DYNC2H1: variants seen among roughly 807,000 people sequenced by gnomAD.
The protein encoded by DYNC2H1 is dynein cytoplasmic 2 heavy chain 1.
Under a neutral mutation model 570.0 loss-of-function variants are expected in DYNC2H1, and 410 were observed. The observed-to-expected ratio is 0.72, with a 90% CI of 0.66 to 0.78. DYNC2H1 has a LOEUF of 0.78. Among genes scored for constraint, DYNC2H1 ranks in the 30% least tolerant of loss-of-function variants. DYNC2H1 has a pLI of 0.00. For synonymous variants in DYNC2H1, 1,688 were observed against 1,677.6 expected, an observed-to-expected ratio of 1.01 and a Z score of -0.15; for missense variants, 4,865 against 5,046.4, an observed-to-expected ratio of 0.96 and a Z score of 1.09.
At chr11:103,134,485 T>C (rs968462566) in intron 15 of DYNC2H1, 66 bp downstream of exon 15, 27 of 1,284,814 alleles carry the variant, frequency 2.1e-5, no homozygotes, top group Non-Finnish European at 2.8e-5. Context: ...AAGTACAATA[T>C]ATGAATTGCC....
At chr11:103,118,780 T>C (rs914513215) in intron 6 of DYNC2H1, among the ~76,000 whole-genome samples, 1 of 152,226 alleles carries the variant, frequency 6.6e-6, no homozygotes, top group Admixed American at 6.5e-5. Flanking sequence ...GTTTCCCCTT[T>C]TTTTATGCCA....
intron 83 of DYNC2H1, among the ~76,000 whole-genome samples, chr11:103,398,212 C>T (rs1942475616): frequency 6.6e-6 from 1 of 152,060 alleles, no homozygotes; most frequent in Non-Finnish European, 1.5e-5. Flanking sequence ...AATTTTATTA[C>T]TTAGTTGATT....
intron 82 of DYNC2H1, among the ~76,000 whole-genome samples, chr11:103,339,915 T>C (rs1939358548): frequency 6.6e-6 from 1 of 152,180 alleles, no homozygotes; most frequent in African/African-American, 2.4e-5. Context: ...CAGAATTCTG[T>C]CCAGTGTTGT....
Position 103,400,017 on chromosome 11 carries a change from T to C in DYNC2H1, c.12366+145T>C. ...AGCCATATAAAAATTAATTGACTGA[T>C]GTAACTGAAGAATCCAATGGTATCT... On this transcript the variant is annotated intron_variant, in intron 84 of 88. Coordinates refer to ENST00000375735, the MANE Select transcript of DYNC2H1 (RefSeq NM_001377.3). 3 of 667,872 alleles carry C rather than the reference T, an allele frequency of 4.5e-6. 1 individual carries two copies. The South Asian group carries it at 6.8e-5, about 15-fold the overall frequency. The allele number at this position is 667,872 out of a possible 1,614,324, so 41.4% of individuals were successfully genotyped here.
At chr11:103,400,585 T>C (rs1191589358) in intron 84 of DYNC2H1, among the ~76,000 whole-genome samples, 1 of 152,202 alleles carries the variant, frequency 6.6e-6, no homozygotes, top group Non-Finnish European at 1.5e-5. Context: ...TTTTAGCTGT[T>C]TGGAGAATAG....
In DYNC2H1 at chr11:103,176,249, A is replaced by G. The variant is rs765442689; in HGVS notation, c.5689A>G (p.Ile1897Val). 1.5e-5 allele frequency: 23 copies of G among 1,498,186 alleles called. 1 individual carries two copies. The South Asian group carries it at 3.1e-4, about 20-fold the overall frequency. The allele number at this position is 1,498,186 out of a possible 1,614,324, so 92.8% of individuals were successfully genotyped here. Reference protein sequence around the residue: ...GTTQNANESHIVVQALRLNTM... With the variant: ...GTTQNANESHVVVQALRLNTM... ...CTTTTTTCTAGCTAATGAAAGTCAT[A>G]TTGTGGTACAAGCACTGAGGCTTAA... is the stretch of plus-strand genomic sequence containing the variant. The change falls in exon 37 of 89, where the codon ATT (isoleucine) becomes GTT (valine). Residue 1897 changes from isoleucine (I) to valine (V), a missense_variant. By Grantham distance (29) the Ile-to-Val change is conservative. Coordinates refer to ENST00000375735, the MANE Select transcript of DYNC2H1 (RefSeq NM_001377.3).
chr11:103,354,807 CTT>C (rs10718561), intron 82 of DYNC2H1, among the ~76,000 whole-genome samples: 159 of 141,142 alleles, frequency 1.1e-3, no homozygotes, highest in Middle Eastern at 3.6e-3. Context: ...CTTGTAAGAT[CTT>C]TTTTTTTTTT....
At chr11:103,389,467 TC>T (rs1942039033) in intron 83 of DYNC2H1, among the ~76,000 whole-genome samples, 2 of 152,304 alleles carry the variant, frequency 1.3e-5, no homozygotes, top group African/African-American at 4.8e-5. Context: ...TTCATTGATT[TC>T]TTGAAGGGTT....
intron 84 of DYNC2H1, chr11:103,403,183 G>A (rs1269817467): frequency 6.6e-6 from 1 of 152,008 alleles, no homozygotes; most frequent in African/African-American, 2.4e-5. Flanking sequence ...AGTATGGTGG[G>A]AAATAAAATG....
At chr11:103,169,545 A>G (rs557442583) in intron 32 of DYNC2H1, among the ~76,000 whole-genome samples, 1 of 152,268 alleles carries the variant, frequency 6.6e-6, no homozygotes, top group East Asian at 1.9e-4. Context: ...AGGGAAATGT[A>G]TTTGGGACCC....
chr11:103,338,201 C>T (rs966229044), intron 82 of DYNC2H1, among the ~76,000 whole-genome samples: 1 of 151,978 alleles, frequency 6.6e-6, no homozygotes, highest in Non-Finnish European at 1.5e-5. Context: ...GATTTATAGT[C>T]GGGTTCCTTG....
chr11:103,193,103 G>A (rs890842787), intron 47 of DYNC2H1, among the ~76,000 whole-genome samples: 1 of 152,214 alleles, frequency 6.6e-6, no homozygotes, highest in Non-Finnish European at 1.5e-5. Flanking sequence ...TCGAGGGTGG[G>A]AAAGATGTTT....
chr11:103,253,664 C>A lies in DYNC2H1; in HGVS notation c.10206+216C>A, dbSNP rs566217741. Among the ~76,000 whole-genome samples the A allele has an allele frequency of 6.6e-5, 10 of 152,128 alleles. No homozygotes were observed. The East Asian group carries it at 1.7e-3, about 26-fold the overall frequency. On this transcript the variant is annotated intron_variant, in intron 66 of 88. Transcript: ENST00000375735. ...TGATGCTAATGTCAAATTGCTGCTC[C>A]TTTTAATATAACTCTAATTTTAAAG...
Position 103,156,538 on chromosome 11 carries a change from G to C in DYNC2H1, c.3895G>C (p.Val1299Leu). 6.2e-7 allele frequency: 1 copy of C among 1,613,712 alleles called. No homozygotes were observed. The highest frequency in any genetic ancestry group is 8.5e-7 in the Non-Finnish European group (1 of 1,179,712). Residue 1299 changes from valine (V) to leucine (L), a missense_variant, in exon 26 of 89, where the codon GTA becomes CTA. By Grantham distance (32) the Val-to-Leu change is conservative (BLOSUM62 1). This residue lies in a region of DYNC2H1 where 1,936 missense variants were observed against 1,962.1 expected (regional missense o/e 0.99). Transcript: ENST00000375735. ...GCTGATTAAAGACTGGAAAGATATA[G>C]TAAATCAGGTTGGAGATAATAGATG... is the stretch of plus-strand genomic sequence containing the variant. ...MKLIKDWKDI[V>L]NQVGDNRCLL...
rs1944194406 is a variant in DYNC2H1, at chr11:103,439,692, A to T, written c.12456+3660A>T. Among the ~76,000 whole-genome samples the T allele has an allele frequency of 6.6e-6, 1 of 152,002 alleles. No homozygotes were observed. The highest frequency in any genetic ancestry group is 2.1e-4 in the South Asian group (1 of 4,818). ...CAGAGAGTCTTGCAGGCAGCCTTGC[A>T]TTCACTCTCTGGTTTCTGTAAGATC... On this transcript the variant is annotated intron_variant, in intron 85 of 88. Transcript: ENST00000375735. This position sits in a 1 kb window ranked among gnomAD's most constrained non-coding sequence, Gnocchi z 4.1.
At chr11:103,122,105 A>T (rs559647510) in intron 10 of DYNC2H1, among the ~76,000 whole-genome samples, 2 of 152,308 alleles carry the variant, frequency 1.3e-5, no homozygotes, top group East Asian at 3.9e-4. Flanking sequence ...ATAGATGTAA[A>T]CGACTATTAT....
At chr11:103,320,083 A>G (rs570507272) in intron 80 of DYNC2H1, among the ~76,000 whole-genome samples, 34 of 152,302 alleles carry the variant, frequency 2.2e-4, no homozygotes, top group Non-Finnish European at 4.7e-4. Flanking sequence ...AGCTAGTTTA[A>G]ATGTAGTTAT....
At position 103,324,642 on chromosome 11, in the gene DYNC2H1, T is replaced by G. The variant is rs143061007; in HGVS notation, c.12039+652T>G. ...GGCCATTTAGGTTGACTCCATATCT[T>G]TGCTATTGTGGGTAGTGCTGCAGTG... is the stretch of plus-strand genomic sequence containing the variant. On this transcript the variant is annotated intron_variant, in intron 82 of 88. Coordinates refer to ENST00000375735, the MANE Select transcript of DYNC2H1 (RefSeq NM_001377.3). The surrounding 1 kb of genome is among the most constrained non-coding windows in gnomAD (Gnocchi z 5.2). 9.2e-5 allele frequency among the ~76,000 whole-genome samples: 14 copies of G among 152,352 alleles called. No homozygotes were observed. The highest frequency in any genetic ancestry group is 3.1e-4 in the African/African-American group (13 of 41,578).
At chr11:103,415,511 AAAG>A (rs1321670772) in intron 84 of DYNC2H1, among the ~76,000 whole-genome samples, 2 of 152,232 alleles carry the variant, frequency 1.3e-5, no homozygotes, top group Non-Finnish European at 2.9e-5. Context: ...ACACTTCTCA[AAAG>A]AAGACATCTA....
Sources: gnomAD v4.1 joint callset for allele counts (sites outside exome capture counted in the v4.1 genomes callset) on GRCh38, gnomAD v4.1.1 for gene constraint, gnomAD v4.1.1 regional missense constraint, Gnocchi (gnomAD v3.1) non-coding constraint, MANE v1.5 for transcripts, NCBI Gene and HGNC (gene_info 2026-07-23, HGNC 2026-07-21) for gene names.